Variants in AMZ1 observed in about 807,000 individuals in gnomAD.
The protein encoded by AMZ1 is archaemetzincin-1.
AMZ1 carries 39 observed loss-of-function variants against 29.9 expected under a neutral mutation model. The ratio of observed to expected loss-of-function variants is 1.30; its 90% CI spans 1.01 to 1.70. AMZ1 has a LOEUF of 1.70. Ranked by LOEUF, AMZ1 falls within the 40% of genes most tolerant of loss-of-function variation. AMZ1 has a pLI of 0.00. For missense variants in AMZ1, 1,041 were observed against 680.6 expected (o/e 1.53, Z -5.89); for synonymous variants, 458 against 304.0 (o/e 1.51, Z -5.27).
rs937415897 is a variant in AMZ1 at position 2,717,760 on chromosome 7, C to T, written c.*4882C>T. 6.6e-6 allele frequency among the ~76,000 whole-genome samples: 1 copy of T among 152,138 alleles called. No homozygotes were observed. Among genetic ancestry groups the T allele is most frequent in the Non-Finnish European group, 1.5e-5 (1 of 68,034 alleles). On this transcript the variant is annotated 3_prime_UTR_variant, in exon 7 of 7. Transcript: ENST00000683327. ...CCTTTTCTGACATCCTACAGCAGCA[C>T]CTTGATGAATGAGAACCCGGAAGAA...
At position 2,716,525 on chromosome 7, in the gene AMZ1, G is replaced by GTCAAGC. The variant is rs1266029465; in HGVS notation, c.*3648_*3653dup. 1 of 152,134 alleles carries GTCAAGC rather than the reference G, an allele frequency of 6.6e-6. No individual in the cohort carries two copies. The highest frequency in any genetic ancestry group is 1.5e-5 in the Non-Finnish European group (1 of 68,036). 9.4% of individuals were successfully genotyped at this position (152,134 alleles called of 1,614,324 possible). ...AAAGCCTTAAACATAAAATGGCTTAGTCAAGCACGAGTGATAAAGCTGGGA... is the reference window on the plus strand; with the variant it reads ...AAAGCCTTAAACATAAAATGGCTTAGTCAAGCTCAAGCACGAGTGATAAAGCTGGGA... On this transcript the variant is annotated 3_prime_UTR_variant, in exon 7 of 7. Transcript: ENST00000683327.
chr7:2,712,332 A>T lies in AMZ1; in HGVS notation c.951A>T (p.Arg317Ser). 1 of 1,569,644 alleles carries T rather than the reference A, an allele frequency of 6.4e-7. No homozygotes were observed. The highest frequency in any genetic ancestry group is 2.3e-5 in the East Asian group (1 of 44,414). The part of the protein sequence containing the change: ...LGFRLIERYQ[R>S]LYTWTQAVVG... ...CAGCCTGTGTTTCTCCCTCTTAGAG[A>T]CTCTACACCTGGACTCAGGCGGTGG... is the stretch of plus-strand genomic sequence containing the variant. The change falls in exon 7 of 7, where the codon AGA becomes AGT. Residue 317 changes from arginine (R) to serine (S), a missense_variant and splice_region_variant. Physicochemically the swap from Arg to Ser is moderately radical, Grantham distance 110. Coordinates refer to ENST00000683327, the MANE Select transcript of AMZ1 (RefSeq NM_001384743.1).
intron 4 of AMZ1, among the ~76,000 whole-genome samples, chr7:2,738,464 G>C (rs547016002): frequency 1.3e-5 from 2 of 152,146 alleles, no homozygotes; most frequent in African/African-American, 4.8e-5. Context: ...GGAGGTTTCC[G>C]ATACCCACTG....
downstream of AMZ1, among the ~76,000 whole-genome samples, chr7:2,720,166 C>T (rs1461297930): frequency 1.3e-5 from 2 of 152,212 alleles, no homozygotes; most frequent in African/African-American, 4.8e-5. Context: ...AAGCGCGGCT[C>T]CCCTCTGAGA....
intron 4 of AMZ1, among the ~76,000 whole-genome samples, chr7:2,736,405 G>A (rs1239088417): frequency 1.3e-5 from 2 of 151,476 alleles, no homozygotes; most frequent in Non-Finnish European, 3.0e-5. Flanking sequence ...TTAGGCTGGG[G>A]CCAGCGGCCA....
chr7:2,700,642 TC>T lies in AMZ1; in HGVS notation c.192del (p.Phe64LeufsTer5). 6.2e-7 allele frequency: 1 copy of T among 1,612,022 alleles called. No individual in the cohort carries two copies. The highest frequency in any genetic ancestry group is 8.5e-7 in the Non-Finnish European group (1 of 1,180,012). ...TGCACCCTGCTCATCCGCACGGGCT[TC>T]GACTGGCTCCTGAGCCGACCCGAGG... ...LFCTLLIRTG[F>X]DWLLSRPEAP... On this transcript the variant is annotated frameshift_variant, in exon 2 of 7. Coordinates refer to ENST00000683327, the MANE Select transcript of AMZ1 (RefSeq NM_001384743.1). LOFTEE classifies it high-confidence loss of function.
intron 4 of AMZ1, among the ~76,000 whole-genome samples, chr7:2,743,709 C>T (rs1042693068): frequency 2.6e-5 from 4 of 152,150 alleles, no homozygotes; most frequent in South Asian, 2.1e-4. Flanking sequence ...GTGCGCGAGC[C>T]GAAGCAGGGC....
chr7:2,734,337 A>G (rs142212355), intron 4 of AMZ1, among the ~76,000 whole-genome samples: 1,533 of 152,258 alleles, frequency 0.01, 14 homozygotes, highest in Admixed American at 0.019. Flanking sequence ...ACCACTTTCT[A>G]TAAGATTCCA....
intron 6 of AMZ1, among the ~76,000 whole-genome samples, chr7:2,712,110 A>C (rs1429120990): frequency 6.6e-6 from 1 of 152,192 alleles, no homozygotes; most frequent in Non-Finnish European, 1.5e-5. Flanking sequence ...AAGTTCCTGA[A>C]TGGTGAGCTC....
At chr7:2,702,995 T>A in intron 3 of AMZ1, 106 bp downstream of exon 3, 1 of 1,404,220 alleles carries the variant, frequency 7.1e-7, no homozygotes, top group Non-Finnish European at 9.4e-7. Context: ...TCTTCCTTTT[T>A]GCTGGGAAAC....
At chr7:2,763,582 C>CA (rs1432725246), upstream of AMZ1, among the ~76,000 whole-genome samples, 2 of 152,124 alleles carry the variant, frequency 1.3e-5, no homozygotes, top group South Asian at 2.1e-4. Flanking sequence ...TAGCTCGAAA[C>CA]AAAAAACAAT....
chr7:2,757,567 A>G (rs1791363359), intron 4 of AMZ1, among the ~76,000 whole-genome samples: 1 of 152,246 alleles, frequency 6.6e-6, no homozygotes, highest in Admixed American at 6.5e-5. Context: ...CAGGTGCACC[A>G]GCCTGCGAGG....
intron 4 of AMZ1, among the ~76,000 whole-genome samples, chr7:2,755,968 C>T (rs767134355): frequency 6.6e-6 from 1 of 152,162 alleles, no homozygotes; most frequent in Non-Finnish European, 1.5e-5. Flanking sequence ...AATTGACAAG[C>T]TCATTTTAAA....
upstream of AMZ1, among the ~76,000 whole-genome samples, chr7:2,761,527 G>T (rs1791555607): frequency 2.0e-5 from 3 of 152,194 alleles, no homozygotes; most frequent in African/African-American, 7.2e-5. Flanking sequence ...AAAAAGAGCT[G>T]GAACGGACAG....
chr7:2,734,655 G>A (rs1373159665), intron 4 of AMZ1, among the ~76,000 whole-genome samples: 2 of 152,248 alleles, frequency 1.3e-5, no homozygotes, highest in African/African-American at 4.8e-5. Context: ...CAGAGAGGAA[G>A]CTCCTTCAGG....
chr7:2,696,343 G>T (rs1403675559), intron 1 of AMZ1, among the ~76,000 whole-genome samples: 1 of 145,106 alleles, frequency 6.9e-6, no homozygotes, highest in African/African-American at 2.5e-5. Context: ...TGCAAGCTCC[G>T]CCTCCCAGGT....
In AMZ1 at chr7:2,716,327, G is replaced by A. The variant is rs530669876; in HGVS notation, c.*3449G>A. 3 of 152,340 alleles carry A rather than the reference G, an allele frequency of 2.0e-5. No individual in the cohort carries two copies. The South Asian group carries it at 6.2e-4, about 32-fold the overall frequency. The allele number at this position is 152,340 out of a possible 1,614,324, so 9.4% of individuals were successfully genotyped here. ...CAAAAAGCCCAAACTCATTGTCAGA[G>A]TGGGGAGAGGGGAGAAGCAGCATCC... On this transcript the variant is annotated 3_prime_UTR_variant, in exon 7 of 7. Transcript: ENST00000683327.
chr7:2,699,919 G>T (rs2115098786), intron 1 of AMZ1, among the ~76,000 whole-genome samples: 1 of 152,274 alleles, frequency 6.6e-6, no homozygotes, highest in South Asian at 2.1e-4. Flanking sequence ...ATGGACACAT[G>T]TCCCTGCCCC....
At chr7:2,744,890 G>A (rs921224127) in intron 4 of AMZ1, among the ~76,000 whole-genome samples, 10 of 152,190 alleles carry the variant, frequency 6.6e-5, no homozygotes, top group South Asian at 2.1e-4. Context: ...CTCAGGAGCC[G>A]ATGCGATGAA....
Sources: gnomAD v4.1 joint callset for allele counts (sites outside exome capture counted in the v4.1 genomes callset) on GRCh38, gnomAD v4.1.1 for gene constraint, MANE v1.5 for transcripts, NCBI Gene and HGNC (gene_info 2026-07-23, HGNC 2026-07-21) for gene names.